ADGRV1: variants seen among roughly 807,000 people sequenced by gnomAD.
ADGRV1 encodes the protein G-protein coupled receptor 98.
In ADGRV1, 359 loss-of-function variants were observed where a neutral mutation model predicts 596.2. The ratio of observed to expected loss-of-function variants is 0.60; its 90% CI spans 0.55 to 0.66. The LOEUF is 0.66. Among genes scored for constraint, ADGRV1 ranks in the 30% least tolerant of loss-of-function variants. The probability of loss-of-function intolerance (pLI) is 0.00; values close to 1 mark genes in which losing one functional copy is unlikely to be tolerated. For missense variants in ADGRV1, 7,274 were observed against 7,575.6 expected (o/e 0.96, Z 1.48); for synonymous variants, 2,681 against 2,679.2 (o/e 1.00, Z -0.02).
At chr5:90,780,682 T>A (rs1561715501) in intron 64 of ADGRV1, among the ~76,000 whole-genome samples, 1 of 151,902 alleles carries the variant, frequency 6.6e-6, no homozygotes, top group Non-Finnish European at 1.5e-5. Context: ...TTTTTTATTT[T>A]TCTTTCTTTC....
intron 58 of ADGRV1, 33 bp downstream of exon 58, chr5:90,759,621 T>A (rs1756238647): frequency 6.3e-7 from 1 of 1,580,994 alleles, no homozygotes; most frequent in Non-Finnish European, 8.7e-7. Flanking sequence ...AAGCCTTGTT[T>A]CAGGCTAGCG....
chr5:90,747,824 C>T (rs998006689), intron 52 of ADGRV1, among the ~76,000 whole-genome samples: 17 of 152,124 alleles, frequency 1.1e-4, no homozygotes, highest in Admixed American at 9.2e-4. Context: ...AGCGGATAGC[C>T]GACCTGTGAA....
In ADGRV1 at chr5:90,778,183, G is replaced by T. The variant is rs1758452854; in HGVS notation, c.12666+140G>T. 2.9e-6 allele frequency: 3 copies of T among 1,020,712 alleles called. No homozygotes were observed. In the East Asian group the frequency reaches 7.9e-5, roughly 27 times the overall value. The allele number at this position is 1,020,712 out of a possible 1,614,324, so 63.2% of individuals were successfully genotyped here. On this transcript the variant is annotated intron_variant, in intron 62 of 89. Transcript: ENST00000405460. ...GGATGGGGAGGAGGTAAATATTACA[G>T]CATTTGTGGTTGGCGTGCACGTGTG...
Position 90,643,912 on chromosome 5 carries a change from G to T in ADGRV1, c.2663G>T (p.Gly888Val). 1 of 1,612,290 alleles carries T rather than the reference G, an allele frequency of 6.2e-7. No homozygotes were observed. The highest frequency in any genetic ancestry group is 8.5e-7 in the Non-Finnish European group (1 of 1,178,878). Residue 888 changes from glycine to valine, a missense_variant, in exon 14 of 90, where the codon GGC (glycine) becomes GTC (valine). By Grantham distance (109) the Gly-to-Val change is moderately radical. Coordinates refer to ENST00000405460, the MANE Select transcript of ADGRV1 (RefSeq NM_032119.4). The part of the protein sequence containing the change: ...ITILKNDDPH[G>V]IIEFVSDGLI... Reference sequence around the variant, plus strand: ...ATTCTGAAAAATGATGATCCTCATGGCATTATAGAATTTGTTTCTGATGGT... The same window carrying T: ...ATTCTGAAAAATGATGATCCTCATGTCATTATAGAATTTGTTTCTGATGGT...
intron 1 of ADGRV1, among the ~76,000 whole-genome samples, chr5:90,575,220 T>C (rs1757045730): frequency 1.3e-5 from 2 of 152,060 alleles, no homozygotes; most frequent in African/African-American, 4.8e-5. Context: ...TTTTTACTTT[T>C]AAAAAAGACA....
At chr5:90,761,335 T>G (rs1379427247) in intron 58 of ADGRV1, among the ~76,000 whole-genome samples, 2 of 152,200 alleles carry the variant, frequency 1.3e-5, no homozygotes, top group Non-Finnish European at 2.9e-5. Context: ...TAAGGAGTGT[T>G]GGATTGGCAA....
chr5:91,063,450 T>C (rs531659053), intron 85 of ADGRV1, among the ~76,000 whole-genome samples: 1 of 152,306 alleles, frequency 6.6e-6, no homozygotes, highest in South Asian at 2.1e-4. Flanking sequence ...TTTTTAGTAG[T>C]GGTATTTTCA....
rs1244351383 is a variant in ADGRV1, at chr5:91,072,550, A to G, written c.18256A>G (p.Lys6086Glu). The change falls in exon 86 of 90, where the codon AAG (lysine) becomes GAG (glutamate). Residue 6086 changes from lysine (K) to glutamate (E), a missense_variant. By Grantham distance (56) the Lys-to-Glu change is moderately conservative. Coordinates refer to ENST00000405460, the MANE Select transcript of ADGRV1 (RefSeq NM_032119.4). ...FVVFIHAYQVKPQWKAYDDVF... is the reference protein window; with the variant it reads ...FVVFIHAYQVEPQWKAYDDVF... ...GGTGTTCATCCATGCCTACCAGGTGAAGCCACAGTGGAAAGCATATGATGA... is the reference window on the plus strand; with the variant it reads ...GGTGTTCATCCATGCCTACCAGGTGGAGCCACAGTGGAAAGCATATGATGA... 1 of 1,613,894 alleles carries G rather than the reference A, an allele frequency of 6.2e-7. No homozygotes were observed. Among genetic ancestry groups the G allele is most frequent in the East Asian group, 2.2e-5 (1 of 44,892 alleles).
chr5:90,862,377 C>T (rs1025559688), intron 82 of ADGRV1, among the ~76,000 whole-genome samples: 1 of 145,724 alleles, frequency 6.9e-6, no homozygotes, highest in Non-Finnish European at 1.5e-5. Context: ...CACACACACA[C>T]AGACATACAC....
At chr5:91,083,333 T>G (rs548851319) in intron 86 of ADGRV1, among the ~76,000 whole-genome samples, 1 of 152,104 alleles carries the variant, frequency 6.6e-6, no homozygotes, top group African/African-American at 2.4e-5. Context: ...ATGGCACATG[T>G]ATACATATGT....
At chr5:90,991,619 T>C (rs538998607) in intron 85 of ADGRV1, among the ~76,000 whole-genome samples, 86 of 152,330 alleles carry the variant, frequency 5.6e-4, no homozygotes, top group African/African-American at 2.0e-3. Flanking sequence ...TTCAGCATTA[T>C]GTTTTACTTT....
intron 75 of ADGRV1, among the ~76,000 whole-genome samples, chr5:90,821,380 A>G (rs1763484726): frequency 6.6e-6 from 1 of 151,078 alleles, no homozygotes; most frequent in Admixed American, 6.6e-5. Flanking sequence ...CGTAGCTCAG[A>G]GTAATTTGAT....
At chr5:91,073,111 G>A (rs2151397046) in intron 86 of ADGRV1, among the ~76,000 whole-genome samples, 1 of 152,220 alleles carries the variant, frequency 6.6e-6, no homozygotes, top group East Asian at 1.9e-4. Flanking sequence ...GTTCAAATTG[G>A]CTTTCACTAC....
At chr5:91,028,127 T>C (rs1375677010) in intron 85 of ADGRV1, among the ~76,000 whole-genome samples, 5 of 151,812 alleles carry the variant, frequency 3.3e-5, no homozygotes, top group East Asian at 3.9e-4. Context: ...GTAGATAAGA[T>C]AGATTTATGA....
chr5:90,619,213 G>A (rs1017292494), intron 4 of ADGRV1, 32 bp downstream of exon 4: 46 of 976,258 alleles, frequency 4.7e-5, no homozygotes, highest in Non-Finnish European at 6.6e-5. Context: ...AATTGTGGTT[G>A]CTAGATAATA....
intron 85 of ADGRV1, among the ~76,000 whole-genome samples, chr5:91,012,338 G>C (rs557235933): frequency 1.3e-4 from 19 of 151,740 alleles, no homozygotes; most frequent in African/African-American, 4.3e-4. Flanking sequence ...TCCTTTCTCC[G>C]CCCATTTTCT....
chr5:90,705,433 C>T lies in ADGRV1; in HGVS notation c.8420C>T (p.Ala2807Val). Residue 2807 changes from alanine to valine, a missense_variant, in exon 37 of 90, where the codon GCT (alanine) becomes GTT (valine). By Grantham distance (64) the Ala-to-Val change is moderately conservative. Transcript: ENST00000405460. ...VPPAGIALLD[A>V]QGYAAVLTVE... ...CCAGCCGGAATCGCCCTGCTTGATG[C>T]TCAAGGATATGCAGCTGTCCTCACA... 2 of 1,613,880 alleles carry T rather than the reference C, an allele frequency of 1.2e-6. No homozygotes were observed. Among genetic ancestry groups the T allele is most frequent in the East Asian group, 4.5e-5 (2 of 44,882 alleles).
intron 1 of ADGRV1, among the ~76,000 whole-genome samples, chr5:90,605,832 C>T (rs1313524162): frequency 6.6e-6 from 1 of 151,946 alleles, no homozygotes; most frequent in Non-Finnish European, 1.5e-5. Context: ...AGATGTAAAA[C>T]TGGTTAACAT....
intron 86 of ADGRV1, among the ~76,000 whole-genome samples, chr5:91,076,853 A>G (rs1021942997): frequency 6.6e-6 from 1 of 151,740 alleles, no homozygotes; most frequent in Non-Finnish European, 1.5e-5. Flanking sequence ...TCTTTTCCAG[A>G]TAATTCTTTT....
Sources: gnomAD v4.1 joint callset for allele counts (sites outside exome capture counted in the v4.1 genomes callset) on GRCh38, gnomAD v4.1.1 for gene constraint, MANE v1.5 for transcripts, NCBI Gene and HGNC (gene_info 2026-07-23, HGNC 2026-07-21) for gene names.